MBP: variants seen among roughly 807,000 people sequenced by gnomAD.
The protein encoded by MBP is Golli-MBP.
In MBP, 16 loss-of-function variants were observed where a neutral mutation model predicts 35.8. That is an observed-to-expected ratio of 0.45 (90% CI 0.30 to 0.68). The LOEUF (loss-of-function observed/expected upper bound fraction) is 0.68. MBP is among the 30% of genes least tolerant of loss of function. The probability of loss-of-function intolerance (pLI) is 0.08; values close to 1 mark genes in which losing one functional copy is unlikely to be tolerated. For synonymous variants in MBP, 143 were observed against 159.6 expected (o/e 0.90, Z 0.78); for missense variants, 380 against 404.7 (o/e 0.94, Z 0.52).
At chr18:77,078,252 G>A (rs1974741940) in intron 2 of MBP, among the ~76,000 whole-genome samples, 1 of 152,176 alleles carries the variant, frequency 6.6e-6, no homozygotes, top group African/African-American at 2.4e-5. Context: ...CATGGCAAAC[G>A]GCATCTTCCG....
intron 4 of MBP, among the ~76,000 whole-genome samples, chr18:76,995,271 G>T (rs1042242342): frequency 1.3e-5 from 2 of 152,120 alleles, no homozygotes; most frequent in African/African-American, 4.8e-5. Context: ...TCCCCAAATC[G>T]ATCTACAGGT....
rs553691468 is a variant in MBP at position 77,079,227 on chromosome 18, C to A, written c.52-12842G>T. ...CTGAGAAGAGGACATCACCCAAGAG[C>A]AGCCACCTGGTACACTAAGGTTGGA... On this transcript the variant is annotated intron_variant, in intron 2 of 8. Coordinates refer to ENST00000355994, the MANE Select transcript of MBP (RefSeq NM_001025101.2). 2.0e-5 allele frequency among the ~76,000 whole-genome samples: 3 copies of A among 152,320 alleles called. No individual in the cohort carries two copies. The South Asian group carries it at 6.2e-4, about 32-fold the overall frequency.
In MBP at chr18:77,102,790, T is replaced by C. The variant is rs934047030; in HGVS notation, c.51+2421A>G. ...TCTAAGACTTAAAATACCAACAGTG[T>C]TAACAGCCTAGAGGCCTCTGAGCAG... On this transcript the variant is annotated intron_variant, in intron 2 of 8. Coordinates refer to ENST00000355994, the MANE Select transcript of MBP (RefSeq NM_001025101.2). This position sits in a 1 kb window ranked among gnomAD's most constrained non-coding sequence, Gnocchi z 4.4. 4.6e-5 allele frequency among the ~76,000 whole-genome samples: 7 copies of C among 152,228 alleles called. No homozygotes were observed. Among genetic ancestry groups the C allele is most frequent in the Non-Finnish European group, 1.0e-4 (7 of 68,038 alleles).
chr18:77,087,292 C>G (rs1455267604), intron 2 of MBP: 1 of 152,248 alleles, frequency 6.6e-6, no homozygotes, highest in African/African-American at 2.4e-5. Flanking sequence ...ACTCACCTGG[C>G]GCGGCCAGGT....
At chr18:77,068,533 G>A (rs1446964143) in intron 2 of MBP, among the ~76,000 whole-genome samples, 1 of 152,158 alleles carries the variant, frequency 6.6e-6, no homozygotes, top group African/African-American at 2.4e-5. Flanking sequence ...TCGGCTCATT[G>A]GAGCACTCAT....
chr18:77,017,424 T>C, intron 3 of MBP, 156 bp from the exon 4 acceptor site: 1 of 531,042 alleles, frequency 1.9e-6, no homozygotes, highest in African/African-American at 1.9e-5. Flanking sequence ...GGAGCTAACC[T>C]GGATGGAGCA....
chr18:77,122,171 A>G (rs1379867357), intron 1 of MBP, among the ~76,000 whole-genome samples: 3 of 152,224 alleles, frequency 2.0e-5, no homozygotes, highest in Admixed American at 1.3e-4. Context: ...GGGACTGTGC[A>G]CTATGGTAGA....
intron 1 of MBP, 137 bp downstream of exon 1, chr18:77,132,443 T>C (rs1452884440): frequency 6.6e-6 from 1 of 152,198 alleles, no homozygotes; most frequent in Non-Finnish European, 1.5e-5. Flanking sequence ...TCGGGATAGC[T>C]CCTGTCCCCG....
At chr18:77,015,882 G>A in intron 4 of MBP, 2 of 985,394 alleles carry the variant, frequency 2.0e-6, no homozygotes, top group South Asian at 9.4e-5. Context: ...AGGCCTTCTG[G>A]AATTCCAGAA....
At chr18:77,022,477 A>C (rs1458384566) in intron 3 of MBP, among the ~76,000 whole-genome samples, 2 of 152,244 alleles carry the variant, frequency 1.3e-5, no homozygotes, top group African/African-American at 4.8e-5. Flanking sequence ...TAAGTACATC[A>C]TTGCACTGTA....
At chr18:77,085,221 C>A (rs899888512) in intron 2 of MBP, among the ~76,000 whole-genome samples, 5 of 152,208 alleles carry the variant, frequency 3.3e-5, no homozygotes, top group Admixed American at 2.0e-4. Context: ...CTACTTAATT[C>A]CCCAGAACAT....
At chr18:77,081,813 C>CATATATACACACACACACAT (rs1555726062) in intron 2 of MBP, among the ~76,000 whole-genome samples, 2 of 90,682 alleles carry the variant, frequency 2.2e-5, no homozygotes, top group Non-Finnish European at 4.6e-5. Context: ...TATGCACACA[C>CATATATACACACACACACAT]ATATATACAC....
Position 76,989,127 on chromosome 18 carries a change from A to T in MBP, c.682-215T>A, listed in dbSNP as rs1969747344. On this transcript the variant is annotated intron_variant, in intron 5 of 8. Transcript: ENST00000355994. This position sits in a 1 kb window ranked among gnomAD's most constrained non-coding sequence, Gnocchi z 4.0. ...TGCAGATCTCCCAGAGCACTCAGGA[A>T]GTGTTTCAGAGGATGGAAAACACCT... The T allele has an allele frequency of 2.9e-6, 2 of 692,448 alleles. No homozygotes were observed. The highest frequency in any genetic ancestry group is 1.8e-5 in the African/African-American group (1 of 57,018). 42.9% of individuals were successfully genotyped at this position (692,448 alleles called of 1,614,324 possible).
At chr18:77,078,524 C>T (rs1027789331) in intron 2 of MBP, among the ~76,000 whole-genome samples, 7 of 152,208 alleles carry the variant, frequency 4.6e-5, no homozygotes, top group African/African-American at 9.6e-5. Context: ...CAGAAGATCC[C>T]ATAAAGTTGT....
At chr18:77,000,905 T>C (rs999348515) in intron 4 of MBP, among the ~76,000 whole-genome samples, 4 of 152,190 alleles carry the variant, frequency 2.6e-5, no homozygotes, top group Admixed American at 6.5e-5. Context: ...AGGAGATACG[T>C]TGATGGAGTC....
At chr18:76,993,003 G>A (rs1046970069) in intron 4 of MBP, among the ~76,000 whole-genome samples, 1 of 152,196 alleles carries the variant, frequency 6.6e-6, no homozygotes, top group African/African-American at 2.4e-5. Flanking sequence ...CAGGGCAAAG[G>A]CATCTCCCAT....
chr18:76,984,303 A>G (rs2279079), intron 8 of MBP: 35,737 of 161,744 alleles, frequency 0.22, 4,915 homozygotes, highest in East Asian at 0.31. Context: ...CGGGCCTGGC[A>G]TTCGTCCTGG....
intron 1 of MBP, chr18:77,115,256 G>T (rs1457144952): frequency 6.6e-6 from 1 of 152,218 alleles, no homozygotes; most frequent in Non-Finnish European, 1.5e-5. Flanking sequence ...GCCAGAGCTG[G>T]TGTTAACTGA....
At chr18:77,081,185 A>C (rs1250555355) in intron 2 of MBP, among the ~76,000 whole-genome samples, 1 of 152,230 alleles carries the variant, frequency 6.6e-6, no homozygotes, top group Non-Finnish European at 1.5e-5. Flanking sequence ...GATGACACGG[A>C]AGCATGAACA....
Sources: gnomAD v4.1 joint callset for allele counts (sites outside exome capture counted in the v4.1 genomes callset) on GRCh38, gnomAD v4.1.1 for gene constraint, Gnocchi (gnomAD v3.1) non-coding constraint, MANE v1.5 for transcripts, NCBI Gene and HGNC (gene_info 2026-07-23, HGNC 2026-07-21) for gene names.